The following ITPRID1 variants were observed in gnomAD, a reference collection of about 807,000 sequenced individuals.
ITPRID1 encodes ITPR interacting domain containing 1.
ITPRID1 carries 96 observed loss-of-function variants against 95.4 expected under a neutral mutation model. That is an observed-to-expected ratio of 1.01 (90% CI 0.85 to 1.19). The LOEUF (loss-of-function observed/expected upper bound fraction) is 1.19. Ranked by LOEUF, ITPRID1 falls within the 50% of genes most tolerant of loss-of-function variation. ITPRID1 has a pLI of 0.00. For synonymous variants in ITPRID1, 510 were observed against 453.6 expected (o/e 1.12, Z -1.58); for missense variants, 1,339 against 1,252.9 (o/e 1.07, Z -1.04).
At chr7:31,631,286 G>A (rs917238192) in intron 10 of ITPRID1, among the ~76,000 whole-genome samples, 1 of 152,088 alleles carries the variant, frequency 6.6e-6, no homozygotes, top group African/African-American at 2.4e-5. Context: ...ACACATATGC[G>A]TGCGTGCACA....
intron 3 of ITPRID1, among the ~76,000 whole-genome samples, chr7:31,554,194 C>T (rs190457226): frequency 1.2e-4 from 18 of 152,314 alleles, no homozygotes; most frequent in African/African-American, 1.7e-4. Flanking sequence ...ATTATTCTAA[C>T]ATCTCTCGTT....
At chr7:31,538,718 TG>T (rs1783838597) in intron 1 of ITPRID1, among the ~76,000 whole-genome samples, 1 of 152,218 alleles carries the variant, frequency 6.6e-6, no homozygotes, top group South Asian at 2.1e-4. Flanking sequence ...TTTCTGAGTG[TG>T]TCATATCAGG....
chr7:31,615,365 G>A (rs562797303), intron 10 of ITPRID1, among the ~76,000 whole-genome samples: 27 of 152,194 alleles, frequency 1.8e-4, no homozygotes, highest in Admixed American at 4.6e-4. Flanking sequence ...CATGATGGGC[G>A]TAATAAAATC....
chr7:31,638,831 G>GCTT (rs1789730959), intron 10 of ITPRID1, among the ~76,000 whole-genome samples: 1 of 151,986 alleles, frequency 6.6e-6, no homozygotes, highest in Non-Finnish European at 1.5e-5. Context: ...GGCTGGAGTG[G>GCTT]AGTGACCCAA....
chr7:31,567,812 C>T (rs1421301046), intron 5 of ITPRID1, among the ~76,000 whole-genome samples: 1 of 152,122 alleles, frequency 6.6e-6, no homozygotes, highest in Non-Finnish European at 1.5e-5. Context: ...AATTGTAGTC[C>T]TGTATTCTGA....
At chr7:31,618,985 T>C (rs1385016639) in intron 10 of ITPRID1, among the ~76,000 whole-genome samples, 1 of 152,224 alleles carries the variant, frequency 6.6e-6, no homozygotes, top group Non-Finnish European at 1.5e-5. Context: ...GTGGAAGACC[T>C]GATTCTTCAT....
intron 10 of ITPRID1, 97 bp downstream of exon 10, chr7:31,583,288 C>A: frequency 7.3e-6 from 6 of 816,804 alleles, no homozygotes; most frequent in Non-Finnish European, 1.2e-5. Flanking sequence ...CTTAAATTAT[C>A]TCTAGAAGGT....
chr7:31,633,759 A>G (rs1403439138), intron 10 of ITPRID1, among the ~76,000 whole-genome samples: 1 of 152,254 alleles, frequency 6.6e-6, no homozygotes, highest in Non-Finnish European at 1.5e-5. Context: ...CAGAAGAGAT[A>G]GGAACTTGAC....
intron 10 of ITPRID1, among the ~76,000 whole-genome samples, chr7:31,593,732 T>C (rs1785960964): frequency 6.6e-6 from 1 of 152,164 alleles, no homozygotes; most frequent in Non-Finnish European, 1.5e-5. Flanking sequence ...TGCCAATAGA[T>C]TCAAATGTAC....
chr7:31,538,508 C>G (rs1477234256), intron 1 of ITPRID1, among the ~76,000 whole-genome samples: 1 of 152,082 alleles, frequency 6.6e-6, no homozygotes, highest in African/African-American at 2.4e-5. Flanking sequence ...AATTATGGCC[C>G]AGGGTCTAAT....
chr7:31,541,912 A>T (rs933959436), intron 1 of ITPRID1, among the ~76,000 whole-genome samples: 3 of 152,134 alleles, frequency 2.0e-5, no homozygotes, highest in African/African-American at 7.2e-5. Flanking sequence ...TTTCCAGAAA[A>T]ATTGGATGAT....
chr7:31,586,582 G>C (rs948591287), intron 10 of ITPRID1, among the ~76,000 whole-genome samples: 92 of 151,668 alleles, frequency 6.1e-4, no homozygotes, highest in African/African-American at 2.1e-3. Flanking sequence ...GCATTTCTCT[G>C]ATGGCCAGTG....
At position 31,569,700 on chromosome 7, in the gene ITPRID1, A is replaced by C. The variant is rs1784916049; in HGVS notation, c.257-58A>C. On this transcript the variant is annotated intron_variant, in intron 5 of 14. Transcript: ENST00000615280. ...ACCTTGGTTTCATTTGGGGTTGAGA[A>C]AATCTTCCGCAAGATAAAACGAAAT... 1.2e-5 allele frequency: 18 copies of C among 1,488,680 alleles called. No homozygotes were observed. In the South Asian group the frequency reaches 2.0e-4, roughly 16 times the overall value. The allele number at this position is 1,488,680 out of a possible 1,614,324, so 92.2% of individuals were successfully genotyped here.
At chr7:31,552,679 C>T (rs1229093643) in intron 2 of ITPRID1, among the ~76,000 whole-genome samples, 1 of 152,134 alleles carries the variant, frequency 6.6e-6, no homozygotes, top group Non-Finnish European at 1.5e-5. Flanking sequence ...AGGCTATTTA[C>T]TGGGTGTGTC....
intron 1 of ITPRID1, among the ~76,000 whole-genome samples, chr7:31,542,090 C>G (rs1783951390): frequency 6.6e-6 from 1 of 152,028 alleles, no homozygotes; most frequent in Non-Finnish European, 1.5e-5. Context: ...ATCTTCTTAC[C>G]AAAAGTATGT....
intron 1 of ITPRID1, among the ~76,000 whole-genome samples, chr7:31,532,765 C>G (rs1293000109): frequency 1.3e-5 from 2 of 152,178 alleles, no homozygotes; most frequent in Non-Finnish European, 2.9e-5. Context: ...TTTTAGCAAG[C>G]TGGCCAAGCA....
chr7:31,631,979 C>T (rs907235753), intron 10 of ITPRID1, among the ~76,000 whole-genome samples: 3 of 152,158 alleles, frequency 2.0e-5, no homozygotes, highest in Admixed American at 6.5e-5. Flanking sequence ...CAGCAGAGGG[C>T]CCTGCAGGTC....
At chr7:31,658,476 G>C, downstream of ITPRID1, 1 of 1,230,582 alleles carries the variant, frequency 8.1e-7, no homozygotes, top group Non-Finnish European at 1.0e-6. Flanking sequence ...AGAGGTTAGA[G>C]TATCAAAGTG....
intron 10 of ITPRID1, among the ~76,000 whole-genome samples, chr7:31,641,158 G>T (rs955805375): frequency 6.6e-6 from 1 of 152,132 alleles, no homozygotes; most frequent in Admixed American, 6.5e-5. Context: ...TGTCCTTCAA[G>T]GTGAGGTCCA....
Sources: gnomAD v4.1 joint callset for allele counts (sites outside exome capture counted in the v4.1 genomes callset) on GRCh38, gnomAD v4.1.1 for gene constraint, MANE v1.5 for transcripts, NCBI Gene and HGNC (gene_info 2026-07-23, HGNC 2026-07-21) for gene names.